The following USH2A variants were observed in gnomAD, a reference collection of about 807,000 sequenced individuals.
USH2A encodes the protein Usher syndrome 2A (autosomal recessive, mild).
In USH2A, 443 loss-of-function variants were observed where a neutral mutation model predicts 538.9. That is an observed-to-expected ratio of 0.82 (90% confidence interval 0.76 to 0.89). The LOEUF is 0.89. Ranked by LOEUF, USH2A falls within the 40% of genes least tolerant of loss-of-function variation. USH2A has a pLI of 0.00. For missense variants in USH2A, 6,633 were observed against 6,324.8 expected (o/e 1.05, Z -1.65); for synonymous variants, 2,413 against 2,273.5 (o/e 1.06, Z -1.75).
intron 48 of USH2A, among the ~76,000 whole-genome samples, chr1:215,816,014 A>ATATAGAATT (rs1458760974): frequency 6.6e-6 from 1 of 152,108 alleles, no homozygotes; most frequent in Non-Finnish European, 1.5e-5. Flanking sequence ...ATAAATATTA[A>ATATAGAATT]AATAATAGAA....
rs372415657 is a variant in USH2A, at chr1:216,063,083, T to A, written c.6049+7018A>T. ...TATTAAAATCTCAACAAAAGTCACC[T>A]CAGAAATGCTAAATAAGGGTTATTT... On this transcript the variant is annotated intron_variant, in intron 30 of 71. Transcript: ENST00000307340. Among the ~76,000 whole-genome samples the A allele has an allele frequency of 3.3e-5, 5 of 152,300 alleles. No individual in the cohort carries two copies. In the South Asian group the frequency reaches 1.0e-3, roughly 32 times the overall value.
At chr1:215,756,649 G>GGTGCA (rs1660801189) in intron 58 of USH2A, among the ~76,000 whole-genome samples, 1 of 152,162 alleles carries the variant, frequency 6.6e-6, no homozygotes. Flanking sequence ...ATCGTGGCCA[G>GGTGCA]GTGCAGTGGC....
chr1:215,934,124 T>G (rs1298513176), intron 38 of USH2A, among the ~76,000 whole-genome samples: 1 of 152,064 alleles, frequency 6.6e-6, no homozygotes, highest in Non-Finnish European at 1.5e-5. Context: ...TTTCCAGTAG[T>G]GCAAATGGAA....
chr1:215,857,724 T>A (rs1664208720), intron 44 of USH2A, among the ~76,000 whole-genome samples: 1 of 152,162 alleles, frequency 6.6e-6, no homozygotes, highest in Non-Finnish European at 1.5e-5. Flanking sequence ...TGACTGCAGA[T>A]TCTCCATACA....
chr1:215,813,965 T>C, intron 48 of USH2A, 61 bp from the exon 49 acceptor site: 2 of 1,527,412 alleles, frequency 1.3e-6, no homozygotes, highest in Non-Finnish European at 1.8e-6. Context: ...TATACCACTG[T>C]ATCTCATGTA....
At chr1:216,015,828 C>G (rs1385515399) in intron 32 of USH2A, among the ~76,000 whole-genome samples, 1 of 152,180 alleles carries the variant, frequency 6.6e-6, no homozygotes, top group Non-Finnish European at 1.5e-5. Context: ...CTTGACCTAG[C>G]TATCCCATTA....
rs555735681 is a variant in USH2A, at chr1:215,999,799, T to C, written c.6485+604A>G. On this transcript the variant is annotated intron_variant, in intron 33 of 71. Coordinates refer to ENST00000307340, the MANE Select transcript of USH2A (RefSeq NM_206933.4). ...GATCTGAATCATAATATTTTTCGGCTTGAATAAATGTCAGAATTCATTTAG... is the reference window on the plus strand; with the variant it reads ...GATCTGAATCATAATATTTTTCGGCCTGAATAAATGTCAGAATTCATTTAG... Among the ~76,000 whole-genome samples, 7 of 152,278 alleles carry C rather than the reference T, an allele frequency of 4.6e-5. No homozygotes were observed. The South Asian group carries it at 1.4e-3, about 32-fold the overall frequency.
At chr1:216,020,443 G>A (rs1380530499) in intron 32 of USH2A, among the ~76,000 whole-genome samples, 1 of 152,184 alleles carries the variant, frequency 6.6e-6, no homozygotes, top group Non-Finnish European at 1.5e-5. Flanking sequence ...AAGACTGCAT[G>A]ATAAAAATTC....
At chr1:215,723,028 C>T (rs1348955617) in intron 61 of USH2A, among the ~76,000 whole-genome samples, 2 of 152,120 alleles carry the variant, frequency 1.3e-5, no homozygotes, top group Non-Finnish European at 2.9e-5. Flanking sequence ...CCAAGCAAGG[C>T]TAAATACAGT....
chr1:215,836,563 A>ATTT (rs1228939513), intron 47 of USH2A, among the ~76,000 whole-genome samples: 1,800 of 29,276 alleles, frequency 0.061, 235 homozygotes, highest in East Asian at 0.17. Flanking sequence ...ATATATATAT[A>ATTT]TATTTTTTTT....
chr1:215,797,914 C>T (rs933765787), intron 50 of USH2A, among the ~76,000 whole-genome samples: 1 of 151,992 alleles, frequency 6.6e-6, no homozygotes, highest in Non-Finnish European at 1.5e-5. Context: ...TCTGATGGAT[C>T]TGGACAAAGT....
At chr1:216,323,279 TATATATA>T (rs1315881789) in intron 8 of USH2A, among the ~76,000 whole-genome samples, 188 bp downstream of exon 8, 1,730 of 47,618 alleles carry the variant, frequency 0.036, 35 homozygotes, top group African/African-American at 0.087. Context: ...ATACGTTTTA[TATATATA>T]TATATATATA....
intron 67 of USH2A, 120 bp downstream of exon 67, chr1:215,647,402 T>G (rs1392458494): frequency 8.5e-7 from 1 of 1,183,182 alleles, no homozygotes; most frequent in African/African-American, 1.5e-5. Context: ...TTCAGTAACA[T>G]TCAGTGTTAT....
intron 14 of USH2A, among the ~76,000 whole-genome samples, chr1:216,218,456 T>C (rs942548442): frequency 6.6e-6 from 1 of 152,136 alleles, no homozygotes; most frequent in Admixed American, 6.6e-5. Context: ...ACTCTCCTTG[T>C]GGTACGTTTA....
intron 30 of USH2A, among the ~76,000 whole-genome samples, chr1:216,054,985 C>T (rs572152193): frequency 6.6e-6 from 1 of 152,306 alleles, no homozygotes; most frequent in Admixed American, 6.5e-5. Flanking sequence ...AAGGATCATG[C>T]ACAATATTTC....
At chr1:216,374,476 C>T (rs2038779870) in intron 3 of USH2A, among the ~76,000 whole-genome samples, 1 of 152,034 alleles carries the variant, frequency 6.6e-6, no homozygotes, top group Non-Finnish European at 1.5e-5. Context: ...CTATTTGTTC[C>T]ATTATTAATG....
chr1:216,131,467 T>C (rs1280014924), intron 21 of USH2A, among the ~76,000 whole-genome samples: 1 of 152,118 alleles, frequency 6.6e-6, no homozygotes, highest in African/African-American at 2.4e-5. Context: ...TTGATCCATC[T>C]TGAGTTGATA....
chr1:216,296,387 T>C (rs189190532), intron 9 of USH2A, among the ~76,000 whole-genome samples: 22 of 152,108 alleles, frequency 1.4e-4, no homozygotes, highest in African/African-American at 4.3e-4. Context: ...TCTCTCAGAG[T>C]ACTCTATTAA....
At chr1:215,824,628 A>G (rs1235581261) in intron 47 of USH2A, among the ~76,000 whole-genome samples, 1 of 152,090 alleles carries the variant, frequency 6.6e-6, no homozygotes, top group African/African-American at 2.4e-5. Flanking sequence ...CAGAATTTCC[A>G]GGGCTGGTGA....
Sources: gnomAD v4.1 joint callset for allele counts (sites outside exome capture counted in the v4.1 genomes callset) on GRCh38, gnomAD v4.1.1 for gene constraint, MANE v1.5 for transcripts, NCBI Gene and HGNC (gene_info 2026-07-23, HGNC 2026-07-21) for gene names.